The following PTPRG variants were observed in gnomAD, a reference collection of about 807,000 sequenced individuals.
PTPRG encodes receptor-type tyrosine-protein phosphatase gamma.
Under a neutral mutation model 165.3 loss-of-function variants are expected in PTPRG, and 102 were observed. The ratio of observed to expected loss-of-function variants is 0.62; its 90% CI spans 0.53 to 0.73. The LOEUF is 0.73. Among genes scored for constraint, PTPRG ranks in the 30% least tolerant of loss-of-function variants. The pLI is 0.00. For synonymous variants in PTPRG, 675 were observed against 669.5 expected (o/e 1.01, Z -0.13); for missense variants, 1,866 against 1,861.4 (o/e 1.00, Z -0.05).
At chr3:61,953,283 C>T (rs1484288818) in intron 2 of PTPRG, among the ~76,000 whole-genome samples, 3 of 152,150 alleles carry the variant, frequency 2.0e-5, no homozygotes, top group African/African-American at 7.2e-5. Context: ...CCTTGCTCTG[C>T]TACTGACAAT....
chr3:61,594,087 T>C (rs969419196), intron 1 of PTPRG, among the ~76,000 whole-genome samples: 8 of 152,288 alleles, frequency 5.3e-5, no homozygotes, highest in African/African-American at 1.7e-4. Context: ...GAAAGCAGAA[T>C]CTAAACTGTA....
At chr3:61,833,288 C>A (rs2036362452) in intron 2 of PTPRG, among the ~76,000 whole-genome samples, 1 of 152,148 alleles carries the variant, frequency 6.6e-6, no homozygotes, top group African/African-American at 2.4e-5. Flanking sequence ...TTTTGCAGGG[C>A]AATTTGCTAC....
rs1297312464 is a variant in PTPRG at position 61,588,599 on chromosome 3, C to G, written c.85+26227C>G. Among the ~76,000 whole-genome samples the G allele has an allele frequency of 2.0e-5, 3 of 152,118 alleles. No individual in the cohort carries two copies. In the South Asian group the frequency reaches 6.2e-4, roughly 32 times the overall value. On this transcript the variant is annotated intron_variant, in intron 1 of 29. Transcript: ENST00000474889. ...CAGCTGGGACTACAGGCCTGCACCA[C>G]CACTCCCTGCTAATTTTTTGTATTG...
rs560984334 is a variant in PTPRG at position 62,047,747 on chromosome 3, G to T, written c.520-30416G>T. On this transcript the variant is annotated intron_variant, in intron 4 of 29. Transcript: ENST00000474889. ...TCCTCAGAGATAGTACATGCCTCAG[G>T]ATGGTAGGACCCCTTCGTCCTAGAT... Among the ~76,000 whole-genome samples the T allele has an allele frequency of 5.3e-4, 81 of 152,306 alleles. 2 individuals are homozygous for T. In the South Asian group the frequency reaches 0.016, roughly 29 times the overall value.
At chr3:61,699,044 T>G (rs1032070257) in intron 1 of PTPRG, among the ~76,000 whole-genome samples, 6 of 151,850 alleles carry the variant, frequency 4.0e-5, no homozygotes, top group Admixed American at 6.6e-5. Flanking sequence ...CGGGGAGGGA[T>G]AGCATTAGGA....
chr3:61,754,270 C>T (rs549979887), intron 2 of PTPRG, among the ~76,000 whole-genome samples: 1 of 152,312 alleles, frequency 6.6e-6, no homozygotes, highest in East Asian at 1.9e-4. Context: ...AATTGCTCAG[C>T]TGTAAAATGG....
chr3:61,721,348 G>T (rs990947067), intron 1 of PTPRG, among the ~76,000 whole-genome samples: 5 of 152,190 alleles, frequency 3.3e-5, no homozygotes, highest in African/African-American at 1.2e-4. Context: ...CTTCCTAGAA[G>T]TTTGGGTTAC....
chr3:61,840,563 C>A (rs2036595808), intron 2 of PTPRG, among the ~76,000 whole-genome samples: 1 of 151,948 alleles, frequency 6.6e-6, no homozygotes, highest in African/African-American at 2.4e-5. Flanking sequence ...TGATTTCTTG[C>A]TTTGGTCATA....
rs750635968 is a variant in PTPRG, at chr3:62,191,633, A to C, written c.1198A>C (p.Lys400Gln). ...GGACGAGAAGGAGAAGACGTTTACA[A>C]AGGACAGCGACAAAGACTTGGTATG... The part of the protein sequence containing the change: ...NEDEKEKTFT[K>Q]DSDKDLKATI... Residue 400 changes from lysine (K) to glutamine (Q), a missense_variant, in exon 9 of 30, where the codon AAG becomes CAG. Physicochemically the swap from Lys to Gln is moderately conservative, Grantham distance 53. Transcript: ENST00000474889. The C allele has an allele frequency of 2.4e-5, 39 of 1,614,114 alleles. No homozygotes were observed. Among genetic ancestry groups the C allele is most frequent in the Middle Eastern group, 1.6e-4 (1 of 6,062 alleles).
chr3:62,030,808 CATTGA>C (rs1699745383), intron 4 of PTPRG, among the ~76,000 whole-genome samples: 1 of 152,156 alleles, frequency 6.6e-6, no homozygotes, highest in African/African-American at 2.4e-5. Flanking sequence ...AAGGAATTGT[CATTGA>C]ATTCATTTGG....
chr3:62,019,951 A>C, intron 4 of PTPRG, among the ~76,000 whole-genome samples: 1 of 152,196 alleles, frequency 6.6e-6, no homozygotes, highest in Admixed American at 6.5e-5. Context: ...ATAAAACTGA[A>C]GGAAGAGAGG....
At chr3:61,821,550 C>T (rs62243182) in intron 2 of PTPRG, among the ~76,000 whole-genome samples, 5 of 151,966 alleles carry the variant, frequency 3.3e-5, no homozygotes, top group Non-Finnish European at 5.9e-5. Flanking sequence ...GTATTTCTTT[C>T]GTTTTGCATG....
chr3:62,090,106 T>C (rs1701879831), intron 5 of PTPRG, among the ~76,000 whole-genome samples: 1 of 152,226 alleles, frequency 6.6e-6, no homozygotes, highest in Non-Finnish European at 1.5e-5. Flanking sequence ...GTCAGTAATT[T>C]GTTTGCACCA....
At chr3:61,752,412 G>A (rs146478469) in intron 2 of PTPRG, among the ~76,000 whole-genome samples, 2 of 152,258 alleles carry the variant, frequency 1.3e-5, no homozygotes, top group East Asian at 3.9e-4. Context: ...TACTATTCCA[G>A]TAATGTTGAA....
chr3:61,768,221 C>T (rs2034096076), intron 2 of PTPRG, among the ~76,000 whole-genome samples: 1 of 152,124 alleles, frequency 6.6e-6, no homozygotes, highest in African/African-American at 2.4e-5. Context: ...CACAACTAAT[C>T]GTGAACTTAT....
intron 2 of PTPRG, among the ~76,000 whole-genome samples, chr3:61,959,193 T>G (rs1007897644): frequency 1.3e-5 from 2 of 152,184 alleles, no homozygotes; most frequent in African/African-American, 2.4e-5. Flanking sequence ...AATTTCAGAT[T>G]CCCTGCAGAG....
At chr3:62,189,890 C>T (rs1699764937) in intron 8 of PTPRG, among the ~76,000 whole-genome samples, 1 of 152,196 alleles carries the variant, frequency 6.6e-6, no homozygotes, top group African/African-American at 2.4e-5. Context: ...CCCTGCCTGC[C>T]TGTCTTTTCT....
chr3:61,606,869 C>T (rs1010478469), intron 1 of PTPRG, among the ~76,000 whole-genome samples: 9 of 152,196 alleles, frequency 5.9e-5, no homozygotes, highest in South Asian at 2.1e-4. Context: ...TTGGCAACAC[C>T]TGGATTTTGG....
intron 15 of PTPRG, among the ~76,000 whole-genome samples, chr3:62,248,750 C>T (rs1401038289): frequency 2.6e-5 from 4 of 152,116 alleles, no homozygotes; most frequent in Non-Finnish European, 5.9e-5. Context: ...AATGTCCTAA[C>T]GAATGCTTTT....
Sources: gnomAD v4.1 joint callset for allele counts (sites outside exome capture counted in the v4.1 genomes callset) on GRCh38, gnomAD v4.1.1 for gene constraint, MANE v1.5 for transcripts, NCBI Gene and HGNC (gene_info 2026-07-23, HGNC 2026-07-21) for gene names.